The following AKR1B1 variants were observed in gnomAD, a reference collection of about 807,000 sequenced individuals.
AKR1B1 encodes the protein aldo-keto reductase family 1 member B, also known as aldo-keto reductase family 1 member B1.
AKR1B1 carries 22 observed loss-of-function variants against 40.4 expected under a neutral mutation model. The observed-to-expected ratio is 0.54, with a 90% CI of 0.39 to 0.78. The LOEUF (loss-of-function observed/expected upper bound fraction) is 0.78, where lower values mean the gene tolerates loss of function less well. Ranked by LOEUF, AKR1B1 falls within the 30% of genes least tolerant of loss-of-function variation. The pLI is 0.00. For synonymous variants in AKR1B1, 157 were observed against 149.9 expected (o/e 1.05, Z -0.35); for missense variants, 357 against 396.7 (o/e 0.90, Z 0.85).
intron 2 of AKR1B1, 89 bp downstream of exon 2, chr7:134,451,497 G>T: frequency 6.8e-7 from 1 of 1,470,720 alleles, no homozygotes; most frequent in Non-Finnish European, 9.5e-7. Flanking sequence ...GAAAAGTGTA[G>T]CTGTATTGAG....
chr7:134,445,414 CAG>C, intron 8 of AKR1B1, 94 bp from the exon 9 acceptor site: 1 of 1,001,116 alleles, frequency 1.0e-6, no homozygotes, highest in Non-Finnish European at 1.5e-6. Flanking sequence ...TGGCTTTGAG[CAG>C]AGAGGAGCGA....
chr7:134,447,406 T>G lies in AKR1B1; in HGVS notation c.742-25A>C, dbSNP rs376901099. The G allele has an allele frequency of 3.8e-6, 6 of 1,597,904 alleles. No homozygotes were observed. In the African/African-American group the frequency reaches 8.0e-5, roughly 21 times the overall value. ...CCTGTGAGCCCAAGGAGACAGTGAG[T>G]GTGTATACATGCCAGGCACTCGCAC... On this transcript the variant is annotated intron_variant, in intron 7 of 9. Transcript: ENST00000285930.
chr7:134,455,672 C>T (rs974485033), intron 1 of AKR1B1, among the ~76,000 whole-genome samples: 1 of 151,964 alleles, frequency 6.6e-6, no homozygotes, highest in African/African-American at 2.4e-5. Flanking sequence ...CAACCTCTAC[C>T]TTCTGGATTC....
intron 2 of AKR1B1, chr7:134,451,287 A>C: frequency 1.9e-6 from 1 of 536,066 alleles, no homozygotes; most frequent in Non-Finnish European, 3.4e-6. Flanking sequence ...TTCAGTTTGC[A>C]GATGGGAACC....
chr7:134,445,306 TTCAAAG>T lies in AKR1B1; in HGVS notation c.834_839del (p.Asp278_Phe279del), dbSNP rs1257678336. ...AGGTGGTCATATCCTGGCTGCTCAG[TTCAAAG>T]TCAAAGACCTAAAAAACAAACAAAA... is the stretch of plus-strand genomic sequence containing the variant. On this transcript the variant is annotated inframe_deletion, in exon 9 of 10. Coordinates refer to ENST00000285930, the MANE Select transcript of AKR1B1 (RefSeq NM_001628.4). 5 of 1,612,782 alleles carry T rather than the reference TTCAAAG, an allele frequency of 3.1e-6. No individual in the cohort carries two copies. The highest frequency in any genetic ancestry group is 1.3e-5 in the African/African-American group (1 of 74,884).
chr7:134,458,124 C>T (rs1199985192), intron 1 of AKR1B1, among the ~76,000 whole-genome samples: 1 of 152,142 alleles, frequency 6.6e-6, no homozygotes, highest in Non-Finnish European at 1.5e-5. Flanking sequence ...ACCTTTGTTG[C>T]TCAATTTTCA....
intron 1 of AKR1B1, among the ~76,000 whole-genome samples, chr7:134,452,747 C>T (rs906913909): frequency 1.3e-5 from 2 of 152,104 alleles, no homozygotes; most frequent in Non-Finnish European, 2.9e-5. Context: ...AAAAGAAAAA[C>T]CCCCCAGGGC....
At chr7:134,451,458 C>G in intron 2 of AKR1B1, 128 bp downstream of exon 2, 2 of 1,204,034 alleles carry the variant, frequency 1.7e-6, no homozygotes, top group South Asian at 1.3e-5. Context: ...GTGGGTGATA[C>G]GTTTCCCCGG....
chr7:134,448,395 G>C lies in AKR1B1; in HGVS notation c.651C>G (p.Asp217Glu). 1 of 1,613,148 alleles carries C rather than the reference G, an allele frequency of 6.2e-7. No individual in the cohort carries two copies. The highest frequency in any genetic ancestry group is 8.5e-7 in the Non-Finnish European group (1 of 1,179,240). The change falls in exon 6 of 10, where the codon GAC (aspartate) becomes GAG (glutamate). Residue 217 changes from aspartate to glutamate, a missense_variant. By Grantham distance (45) the Asp-to-Glu change is conservative (BLOSUM62 2). Transcript: ENST00000285930. ...GCCTGTGGGAAGCTCACCAGGGCCTGTCAGGAGAGCCGAGGGGGCTGTAGG... is the reference window on the plus strand; with the variant it reads ...GCCTGTGGGAAGCTCACCAGGGCCTCTCAGGAGAGCCGAGGGGGCTGTAGG... ...VTAYSPLGSPDRPWAKPEDPS... is the reference protein window; with the variant it reads ...VTAYSPLGSPERPWAKPEDPS...
Position 134,453,358 on chromosome 7 carries a change from T to C in AKR1B1, c.67-1605A>G, listed in dbSNP as rs180991785. Among the ~76,000 whole-genome samples, 59 of 152,258 alleles carry C rather than the reference T, an allele frequency of 3.9e-4. No individual in the cohort carries two copies. The East Asian group carries it at 0.011, about 28-fold the overall frequency. On this transcript the variant is annotated intron_variant, in intron 1 of 9. Coordinates refer to ENST00000285930, the MANE Select transcript of AKR1B1 (RefSeq NM_001628.4). Reference sequence around the variant, plus strand: ...ATCTTTGCACTTGAATTGGAACCCCTGAGTCCAGCCCCGGTTCTGCTGGGG... The same window carrying C: ...ATCTTTGCACTTGAATTGGAACCCCCGAGTCCAGCCCCGGTTCTGCTGGGG...
At position 134,451,661 on chromosome 7, in the gene AKR1B1, A is replaced by T. The variant is rs1370806069; in HGVS notation, c.159T>A (p.Asn53Lys). ...TCTCCTGAATGGCCACCCCCACCTC[A>T]TTCTCATTCTGGTACACATGGGCAC... Reference protein sequence around the residue: ...IDCAHVYQNENEVGVAIQEKL... With the variant: ...IDCAHVYQNEKEVGVAIQEKL... Residue 53 changes from asparagine to lysine, a missense_variant, in exon 2 of 10, where the codon AAT becomes AAA. Coordinates refer to ENST00000285930, the MANE Select transcript of AKR1B1 (RefSeq NM_001628.4). 1 of 1,613,912 alleles carries T rather than the reference A, an allele frequency of 6.2e-7. No individual in the cohort carries two copies. Among genetic ancestry groups the T allele is most frequent in the East Asian group, 2.2e-5 (1 of 44,884 alleles).
chr7:134,451,829 G>A (rs371855808), intron 1 of AKR1B1, 76 bp from the exon 2 acceptor site: 32 of 1,509,418 alleles, frequency 2.1e-5, no homozygotes, highest in Middle Eastern at 1.7e-4. Context: ...GGCAGCCACC[G>A]ATACCTGCTG....
intron 9 of AKR1B1, among the ~76,000 whole-genome samples, chr7:134,443,938 G>A (rs1353024654): frequency 1.3e-5 from 2 of 152,036 alleles, no homozygotes; most frequent in African/African-American, 4.8e-5. Context: ...CCCACTCACC[G>A]CCACGCAACA....
intron 1 of AKR1B1, among the ~76,000 whole-genome samples, chr7:134,455,824 C>A (rs1424146611): frequency 6.6e-6 from 1 of 152,154 alleles, no homozygotes; most frequent in Non-Finnish European, 1.5e-5. Flanking sequence ...CTCAGGTGAT[C>A]CACCCGCCTT....
Position 134,458,029 on chromosome 7 carries a change from G to A in AKR1B1, c.66+968C>T, listed in dbSNP as rs576616653. ...AGCAAACAACAAAAACAGAAACTGAGAAACCCAGGTTATGGCTGTGGAATA... is the reference window on the plus strand; with the variant it reads ...AGCAAACAACAAAAACAGAAACTGAAAAACCCAGGTTATGGCTGTGGAATA... On this transcript the variant is annotated intron_variant, in intron 1 of 9. Coordinates refer to ENST00000285930, the MANE Select transcript of AKR1B1 (RefSeq NM_001628.4). Among the ~76,000 whole-genome samples the A allele has an allele frequency of 5.3e-5, 8 of 152,236 alleles. 1 individual carries two copies. In the South Asian group the frequency reaches 1.7e-3, roughly 32 times the overall value.
chr7:134,450,830 C>A lies in AKR1B1; in HGVS notation c.307G>T (p.Asp103Tyr). 1 of 1,614,186 alleles carries A rather than the reference C, an allele frequency of 6.2e-7. No individual in the cohort carries two copies. The highest frequency in any genetic ancestry group is 8.5e-7 in the Non-Finnish European group (1 of 1,180,026). ...TGAATAAGGTAGAGGTCCAGGTAGT[C>A]CAGCTTCAGGTCGCTGAGTGTCTTC... ...CQKTLSDLKL[D>Y]YLDLYLIHWP... is the part of the protein sequence containing the mutation. Residue 103 changes from aspartate (D) to tyrosine (Y), a missense_variant, in exon 3 of 10, where the codon GAC becomes TAC. Transcript: ENST00000285930.
chr7:134,456,076 G>C (rs1806461070), intron 1 of AKR1B1, among the ~76,000 whole-genome samples: 1 of 152,240 alleles, frequency 6.6e-6, no homozygotes, highest in South Asian at 2.1e-4. Context: ...GGAAGACCCA[G>C]GAGAATAAGG....
rs562201501 is a variant in AKR1B1, at chr7:134,456,354, G to A, written c.66+2643C>T. On this transcript the variant is annotated intron_variant, in intron 1 of 9. Coordinates refer to ENST00000285930, the MANE Select transcript of AKR1B1 (RefSeq NM_001628.4). Reference sequence around the variant, plus strand: ...AGCTGGGACTACAGGTGCGTGCCACGATGCCGGGCTAATTTTTTGTATTTT... The same window carrying A: ...AGCTGGGACTACAGGTGCGTGCCACAATGCCGGGCTAATTTTTTGTATTTT... Among the ~76,000 whole-genome samples, 6 of 151,674 alleles carry A rather than the reference G, an allele frequency of 4.0e-5. No homozygotes were observed. In the South Asian group the frequency reaches 8.4e-4, roughly 21 times the overall value.
At chr7:134,443,516 T>C (rs1007707282) in intron 9 of AKR1B1, among the ~76,000 whole-genome samples, 6 of 152,068 alleles carry the variant, frequency 3.9e-5, no homozygotes, top group Admixed American at 6.5e-5. Context: ...CTTGTATCAG[T>C]GGGGGCTGAA....
Sources: allele counts gnomAD v4.1 joint callset (sites outside exome capture counted in the v4.1 genomes callset), GRCh38; gene constraint gnomAD v4.1.1; transcripts MANE v1.5; gene names NCBI Gene and HGNC (gene_info 2026-07-23, HGNC 2026-07-21).